Variants in HRNR observed in about 807,000 individuals in gnomAD.
HRNR encodes the protein hornerin, also known as filaggrin family member 3.
Under a neutral mutation model 4.8 loss-of-function variants are expected in HRNR, and 7 were observed. That is an observed-to-expected ratio of 1.47 (90% CI 0.83 to 2.75). The LOEUF (loss-of-function observed/expected upper bound fraction) is 2.75. Ranked by LOEUF, HRNR falls within the 30% of genes most tolerant of loss-of-function variation. The pLI, the probability that HRNR is intolerant of heterozygous loss-of-function variation, is 0.00. For missense variants in HRNR, 2,879 were observed against 3,010.4 expected (o/e 0.96, Z 1.02); for synonymous variants, 1,023 against 1,242.7 (o/e 0.82, Z 3.72).
Position 152,218,468 on chromosome 1 carries a change from T to A in HRNR, c.3161A>T (p.Glu1054Val). 6 of 1,613,282 alleles carry A rather than the reference T, an allele frequency of 3.7e-6. No individual in the cohort carries two copies. Among genetic ancestry groups the A allele is most frequent in the Non-Finnish European group, 5.1e-6 (6 of 1,179,962 alleles). Residue 1054 changes from glutamate to valine, a missense_variant, in exon 3 of 3, where the codon GAG becomes GTG. Glu to Val is a moderately radical substitution (Grantham distance 121). This residue lies in a region of HRNR where 2,646 missense variants were observed against 1,377.7 expected (regional missense o/e 1.92). Coordinates refer to ENST00000368801, the MANE Select transcript of HRNR (RefSeq NM_001009931.3). ...GCCAGAGGACTGTCCTGAGCGAGAC[T>A]CTCGGTGACCTAAGCCAGAAGAGTG... ...SGHSSGLGHR[E>V]SRSGQSSGYG...
At position 152,213,241 on chromosome 1, in the gene HRNR, A is replaced by G. The variant is rs1487221790; in HGVS notation, c.8388T>C (p.Ser2796=). The G allele has an allele frequency of 6.2e-7, 1 of 1,612,978 alleles. No homozygotes were observed. Among genetic ancestry groups the G allele is most frequent in the Non-Finnish European group, 8.5e-7 (1 of 1,179,432 alleles). ...GQHGSGSGQS[S]GYSQHGSGSG... The stretch of plus-strand genomic sequence containing the variant: ...AGCCACTTCCATGCTGACTATAACC[A>G]GAGGACTGTCCTGAGCCAGACCCAT... The change falls in exon 3 of 3, where the codon TCT becomes TCC. Residue 2796 remains serine, a synonymous_variant. Coordinates refer to ENST00000368801, the MANE Select transcript of HRNR (RefSeq NM_001009931.3).
rs766809908 is a variant in HRNR, at chr1:152,219,758, C to A, written c.1871G>T (p.Gly624Val). 2 of 1,613,268 alleles carry A rather than the reference C, an allele frequency of 1.2e-6. No homozygotes were observed. Among genetic ancestry groups the A allele is most frequent in the African/African-American group, 1.3e-5 (1 of 74,856 alleles). The change falls in exon 3 of 3, where the codon GGC (glycine) becomes GTC (valine). Residue 624 changes from glycine to valine, a missense_variant. By Grantham distance (109) the Gly-to-Val change is moderately radical (BLOSUM62 -3). Transcript: ENST00000368801. ...CTGACCTGAGGTAGCTCCATGTTGG[C>A]CACAGCTCGATGACTGTCCTGATGT... Reference protein sequence around the residue: ...GSTSGQSSSCGQHGATSGQSS... With the variant: ...GSTSGQSSSCVQHGATSGQSS...
At position 152,221,284 on chromosome 1, in the gene HRNR, A is replaced by T. The variant is rs773365221; in HGVS notation, c.345T>A (p.Thr115=). The change falls in exon 3 of 3, where the codon ACT becomes ACA. Residue 115 remains threonine, a synonymous_variant. Coordinates refer to ENST00000368801, the MANE Select transcript of HRNR (RefSeq NM_001009931.3). ...CTTGCCGTTTGTTCTCCTCTTTTTCAGTTTCTTCTTGTTCCTCTTGGTGCT... is the reference window on the plus strand; with the variant it reads ...CTTGCCGTTTGTTCTCCTCTTTTTCTGTTTCTTCTTGTTCCTCTTGGTGCT... ...THQHQEEQEE[T]EKEENKRQES... is the part of the protein sequence containing the mutation. 100 of 1,613,836 alleles carry T rather than the reference A, an allele frequency of 6.2e-5. No homozygotes were observed. Among genetic ancestry groups the T allele is most frequent in the Non-Finnish European group, 8.0e-5 (94 of 1,180,012 alleles).
Position 152,220,012 on chromosome 1 carries a change from C to G in HRNR, c.1617G>C (p.Gln539His). 1 of 1,613,968 alleles carries G rather than the reference C, an allele frequency of 6.2e-7. No homozygotes were observed. The highest frequency in any genetic ancestry group is 1.1e-5 in the South Asian group (1 of 91,062). ...GHSRHGSGSGQSPSPSRGRHE... is the reference protein window; with the variant it reads ...GHSRHGSGSGHSPSPSRGRHE... Reference sequence around the variant, plus strand: ...GTCGGCCACGGCTAGGGCTAGGAGACTGGCCAGATCCAGACCCATGTCGGC... The same window carrying G: ...GTCGGCCACGGCTAGGGCTAGGAGAGTGGCCAGATCCAGACCCATGTCGGC... The change falls in exon 3 of 3, where the codon CAG (glutamine) becomes CAC (histidine). Residue 539 changes from glutamine (Q) to histidine (H), a missense_variant. By Grantham distance (24) the Gln-to-His change is conservative. Transcript: ENST00000368801.
At chr1:152,221,549 A>G in intron 2 of HRNR, 59 bp from the exon 3 acceptor site, 1 of 1,283,594 alleles carries the variant, frequency 7.8e-7, no homozygotes, top group Non-Finnish European at 1.1e-6. Flanking sequence ...CATCTGGCTA[A>G]CGAACTGAAG....
rs754150138 is a variant in HRNR at position 152,219,666 on chromosome 1, C to G, written c.1963G>C (p.Gly655Arg). Reference sequence around the variant, plus strand: ...CCGCGACTAGGAGACTGGCCAGATCCAGAGCCCTGTTGGCCATAGCGAGAA... The same window carrying G: ...CCGCGACTAGGAGACTGGCCAGATCGAGAGCCCTGTTGGCCATAGCGAGAA... ...QSSRYGQQGS[G>R]SGQSPSRGRH... The change falls in exon 3 of 3, where the codon GGA becomes CGA. Residue 655 changes from glycine to arginine, a missense_variant. By Grantham distance (125) the Gly-to-Arg change is moderately radical (BLOSUM62 -2). This residue lies in a region of HRNR where 2,646 missense variants were observed against 1,377.7 expected (regional missense o/e 1.92). Coordinates refer to ENST00000368801, the MANE Select transcript of HRNR (RefSeq NM_001009931.3). 40 of 1,613,184 alleles carry G rather than the reference C, an allele frequency of 2.5e-5. 1 individual carries two copies. Among genetic ancestry groups the G allele is most frequent in the African/African-American group, 4.0e-5 (3 of 74,848 alleles).
At position 152,218,627 on chromosome 1, in the gene HRNR, G is replaced by C. The variant is rs140335860; in HGVS notation, c.3002C>G (p.Ser1001Cys). The change falls in exon 3 of 3, where the codon TCT (serine) becomes TGT (cysteine). Residue 1001 changes from serine (S) to cysteine (C), a missense_variant. Physicochemically the swap from Ser to Cys is moderately radical, Grantham distance 112 (BLOSUM62 -1). This residue lies in a region of HRNR where 2,646 missense variants were observed against 1,377.7 expected (regional missense o/e 1.92). Coordinates refer to ENST00000368801, the MANE Select transcript of HRNR (RefSeq NM_001009931.3). ...AGGGCTAGGAGACTGGCCAGATCCA[G>C]ACCCATGTTGGCCGTGGCCCAAAGA... ...RQSLGHGQHG[S>C]GSGQSPSPSR... 6.2e-7 allele frequency: 1 copy of C among 1,612,756 alleles called. No individual in the cohort carries two copies. Among genetic ancestry groups the C allele is most frequent in the Admixed American group, 1.7e-5 (1 of 59,916 alleles).
In HRNR at chr1:152,212,386, T is replaced by C. The variant is rs528121387; in HGVS notation, c.*690A>G. The C allele has an allele frequency of 2.6e-5, 4 of 152,352 alleles. No homozygotes were observed. Among genetic ancestry groups the C allele is most frequent in the South Asian group, 4.2e-4 (2 of 4,818 alleles). The allele number at this position is 152,352 out of a possible 1,614,324, so 9.4% of individuals were successfully genotyped here. ...CTAAAGCCCACATTTGAATGTTTTT[T>C]TTTTTCCTGAAATGATAAATCCCTA... On this transcript the variant is annotated 3_prime_UTR_variant, in exon 3 of 3. Coordinates refer to ENST00000368801, the MANE Select transcript of HRNR (RefSeq NM_001009931.3).
chr1:152,222,171 A>T (rs1019092247), intron 2 of HRNR, among the ~76,000 whole-genome samples: 2 of 152,192 alleles, frequency 1.3e-5, no homozygotes, highest in African/African-American at 4.8e-5. Context: ...AGAGGGAATT[A>T]TATGAACAAA....
At position 152,219,751 on chromosome 1, in the gene HRNR, A is replaced by G. The variant is rs761431831; in HGVS notation, c.1878T>C (p.His626=). 5.1e-5 allele frequency: 82 copies of G among 1,613,006 alleles called. No homozygotes were observed. The South Asian group carries it at 8.6e-4, about 17-fold the overall frequency. ...TGGAAGACTGACCTGAGGTAGCTCCATGTTGGCCACAGCTCGATGACTGTC... is the reference window on the plus strand; with the variant it reads ...TGGAAGACTGACCTGAGGTAGCTCCGTGTTGGCCACAGCTCGATGACTGTC... The part of the protein sequence containing the change: ...TSGQSSSCGQ[H]GATSGQSSSH... Residue 626 remains histidine, a synonymous_variant, in exon 3 of 3, where the codon CAT becomes CAC. Coordinates refer to ENST00000368801, the MANE Select transcript of HRNR (RefSeq NM_001009931.3).
In HRNR at chr1:152,219,048, A is replaced by T; in HGVS notation, c.2581T>A (p.Ser861Thr). Residue 861 changes from serine (S) to threonine (T), a missense_variant, in exon 3 of 3, where the codon TCA becomes ACA. By Grantham distance (58) the Ser-to-Thr change is moderately conservative. This residue lies in a region of HRNR where 2,646 missense variants were observed against 1,377.7 expected (regional missense o/e 1.92). Transcript: ENST00000368801. ...SSSSGQHDSS[S>T]GQSSSYGQHE... ...TGACCATAGCTGGAAGATTGACCTG[A>T]GCTAGAGTCATGTTGGCCGGAGCTT... 1.9e-6 allele frequency: 3 copies of T among 1,613,584 alleles called. No individual in the cohort carries two copies. Among genetic ancestry groups the T allele is most frequent in the South Asian group, 2.2e-5 (2 of 91,066 alleles).
rs963234215 is a variant in HRNR, at chr1:152,212,893, T to G, written c.*183A>C. 10 of 796,468 alleles carry G rather than the reference T, an allele frequency of 1.3e-5. No individual in the cohort carries two copies. The highest frequency in any genetic ancestry group is 5.9e-5 in the Admixed American group (2 of 33,970). The allele number at this position is 796,468 out of a possible 1,614,324, so 49.3% of individuals were successfully genotyped here. A position where few individuals can be genotyped will look rare whatever the true frequency, so the allele number is the denominator to read the frequency against. On this transcript the variant is annotated 3_prime_UTR_variant, in exon 3 of 3. Transcript: ENST00000368801. ...AGTAGCACAAATGCCTAACAGTCTT[T>G]GGAAGGAACCCCATAACAAGATATA...
rs754634636 is a variant in HRNR, at chr1:152,218,584, C to G, written c.3045G>C (p.Gly1015=). ...QSPSPSRGRH[G]SGSGQSSSYG... The stretch of plus-strand genomic sequence containing the variant: ...AGCTGGAAGACTGCCCGGAACCAGA[C>G]CCATGTCGGCCACGGCTAGGGCTAG... The change falls in exon 3 of 3, where the codon GGG becomes GGC. Residue 1015 remains glycine, a synonymous_variant. Transcript: ENST00000368801. The G allele has an allele frequency of 6.2e-7, 1 of 1,613,790 alleles. No individual in the cohort carries two copies. Among genetic ancestry groups the G allele is most frequent in the Non-Finnish European group, 8.5e-7 (1 of 1,179,930 alleles).
chr1:152,220,041 G>A lies in HRNR; in HGVS notation c.1588C>T (p.His530Tyr). ...CCAGATCCAGACCCATGTCGGCTGTGTCCCAAAGATTGACGGGAGCCAGAC... is the reference window on the plus strand; with the variant it reads ...CCAGATCCAGACCCATGTCGGCTGTATCCCAAAGATTGACGGGAGCCAGAC... The part of the protein sequence containing the change: ...HGSGSRQSLG[H>Y]SRHGSGSGQS... The change falls in exon 3 of 3, where the codon CAC becomes TAC. Residue 530 changes from histidine to tyrosine, a missense_variant. His to Tyr is a moderately conservative substitution (Grantham distance 83). Transcript: ENST00000368801. 1 of 1,613,646 alleles carries A rather than the reference G, an allele frequency of 6.2e-7. No homozygotes were observed. Among genetic ancestry groups the A allele is most frequent in the Non-Finnish European group, 8.5e-7 (1 of 1,179,868 alleles).
In HRNR at chr1:152,220,802, C is replaced by T. The variant is rs765149159; in HGVS notation, c.827G>A (p.Ser276Asn). Residue 276 changes from serine to asparagine, a missense_variant, in exon 3 of 3, where the codon AGC becomes AAC. Ser to Asn is a conservative substitution (Grantham distance 46, BLOSUM62 1). This residue lies in a region of HRNR where 2,646 missense variants were observed against 1,377.7 expected (regional missense o/e 1.92). Coordinates refer to ENST00000368801, the MANE Select transcript of HRNR (RefSeq NM_001009931.3). ...ACCATAGCTGGAAGACGAACCTGAG[C>T]TAGATCTGTGTCGTTCACCCCTAGA... ...QSSRGERHRS[S>N]SGSSSSYGQH... The T allele has an allele frequency of 1.9e-6, 3 of 1,613,886 alleles. No individual in the cohort carries two copies. The African/African-American group carries it at 4.0e-5, about 22-fold the overall frequency.
In HRNR at chr1:152,220,296, C is replaced by T. The variant is rs1009766410; in HGVS notation, c.1333G>A (p.Gly445Ser). The T allele has an allele frequency of 9.3e-6, 15 of 1,613,990 alleles. No homozygotes were observed. In the Admixed American group the frequency reaches 2.0e-4, roughly 22 times the overall value. ...CCACTGCTGGAAGATCGACCAAAGC[C>T]AGTCCCATGTTGGCCGGAGCTGGGA... The part of the protein sequence containing the change: ...QSPSSGQHGT[G>S]FGRSSSSGPY... Residue 445 changes from glycine (G) to serine (S), a missense_variant, in exon 3 of 3, where the codon GGC (glycine) becomes AGC (serine). By Grantham distance (56) the Gly-to-Ser change is moderately conservative (BLOSUM62 0). Around this residue, in one of 8 missense-constraint regions of HRNR, gnomAD observed 2,646 missense variants for 1,377.7 expected, o/e 1.92. Transcript: ENST00000368801.
In HRNR at chr1:152,213,154, G is replaced by A. The variant is rs765670836; in HGVS notation, c.8475C>T (p.Gly2825=). ...GGSNHDGGSS[G]SYFLSFPSST... is the part of the protein sequence containing the mutation. ...TACTAGGAAAACTGAGAAAATATGA[G>A]CCAGAACTTCCCCCATCATGGTTAC... is the stretch of plus-strand genomic sequence containing the variant. Residue 2825 remains glycine, a synonymous_variant, in exon 3 of 3, where the codon GGC becomes GGT. Coordinates refer to ENST00000368801, the MANE Select transcript of HRNR (RefSeq NM_001009931.3). The A allele has an allele frequency of 5.6e-6, 9 of 1,613,874 alleles. No individual in the cohort carries two copies. Among genetic ancestry groups the A allele is most frequent in the Non-Finnish European group, 1.7e-6 (2 of 1,180,038 alleles).
At position 152,218,890 on chromosome 1, in the gene HRNR, G is replaced by A. The variant is rs374938072; in HGVS notation, c.2739C>T (p.Ser913=). Residue 913 remains serine, a synonymous_variant, in exon 3 of 3, where the codon TCC becomes TCT. Transcript: ENST00000368801. ...GTCGGCCACTGCTGGAAGACCGACC[G>A]GAGCCAGACCCATGTCGGCCATAGC... ...SPSYGRHGSG[S]GRSSSSGRHG... 2.0e-5 allele frequency: 33 copies of A among 1,611,806 alleles called. No individual in the cohort carries two copies. The highest frequency in any genetic ancestry group is 6.7e-5 in the African/African-American group (5 of 74,204).
At position 152,221,093 on chromosome 1, in the gene HRNR, T is replaced by C; in HGVS notation, c.536A>G (p.Tyr179Cys). The C allele has an allele frequency of 1.2e-6, 2 of 1,613,568 alleles. No homozygotes were observed. The highest frequency in any genetic ancestry group is 1.1e-5 in the South Asian group (1 of 91,014). Reference sequence around the variant, plus strand: ...ATGGGAGTCGGAGTTTTGCTCACCATAGCTGGAAGACTGACCTGAGTAGGA... The same window carrying C: ...ATGGGAGTCGGAGTTTTGCTCACCACAGCTGGAAGACTGACCTGAGTAGGA... ...HNSYSGQSSSYGEQNSDSHQS... is the reference protein window; with the variant it reads ...HNSYSGQSSSCGEQNSDSHQS... Residue 179 changes from tyrosine (Y) to cysteine (C), a missense_variant, in exon 3 of 3, where the codon TAT becomes TGT. By Grantham distance (194) the Tyr-to-Cys change is radical (BLOSUM62 -2). Coordinates refer to ENST00000368801, the MANE Select transcript of HRNR (RefSeq NM_001009931.3).
Sources: gnomAD v4.1 joint callset for allele counts (sites outside exome capture counted in the v4.1 genomes callset) on GRCh38, gnomAD v4.1.1 for gene constraint, gnomAD v4.1.1 regional missense constraint, MANE v1.5 for transcripts, NCBI Gene and HGNC (gene_info 2026-07-23, HGNC 2026-07-21) for gene names.